The following ITFG1 variants were observed in gnomAD, a reference collection of about 807,000 sequenced individuals.
ITFG1 encodes the protein T-cell immunomodulatory protein.
Under a neutral mutation model 81.8 loss-of-function variants are expected in ITFG1, and 34 were observed. The ratio of observed to expected loss-of-function variants is 0.42; its 90% CI spans 0.32 to 0.55. The LOEUF (loss-of-function observed/expected upper bound fraction) is 0.55, where lower values mean the gene tolerates loss of function less well. Among genes scored for constraint, ITFG1 ranks in the 20% least tolerant of loss-of-function variants. ITFG1 has a pLI of 0.17. For missense variants in ITFG1, 672 were observed against 755.4 expected (o/e 0.89, Z 1.29); for synonymous variants, 285 against 270.6 (o/e 1.05, Z -0.52).
At chr16:47,381,569 T>C (rs980572342) in intron 6 of ITFG1, among the ~76,000 whole-genome samples, 17 of 152,194 alleles carry the variant, frequency 1.1e-4, no homozygotes, top group Admixed American at 8.5e-4. Flanking sequence ...GTATCATAAC[T>C]TATACTGTTT....
intron 10 of ITFG1, among the ~76,000 whole-genome samples, chr16:47,283,890 T>C (rs1406093710): frequency 6.6e-6 from 1 of 152,212 alleles, no homozygotes; most frequent in Non-Finnish European, 1.5e-5. Flanking sequence ...GGTATATCCA[T>C]GCTGTGGAAA....
chr16:47,440,115 C>CAATT (rs1969226376), intron 5 of ITFG1, among the ~76,000 whole-genome samples: 1 of 152,092 alleles, frequency 6.6e-6, no homozygotes, highest in Admixed American at 6.5e-5. Flanking sequence ...GTAAAGGGAT[C>CAATT]AATTCAACAA....
chr16:47,370,231 G>T (rs1487150423), intron 7 of ITFG1, among the ~76,000 whole-genome samples: 1 of 152,098 alleles, frequency 6.6e-6, no homozygotes, highest in Non-Finnish European at 1.5e-5. Context: ...TCAAACCAAA[G>T]AAAAACTAAA....
intron 6 of ITFG1, among the ~76,000 whole-genome samples, chr16:47,402,990 T>C (rs1451166399): frequency 6.6e-6 from 1 of 152,160 alleles, no homozygotes; most frequent in Non-Finnish European, 1.5e-5. Context: ...AAAATAACAA[T>C]ATAAATTTAC....
intron 6 of ITFG1, chr16:47,426,435 G>A (rs1031362926): frequency 2.0e-5 from 3 of 150,812 alleles, no homozygotes; most frequent in Admixed American, 6.6e-5. Flanking sequence ...AGTATAGAAT[G>A]TTCTCATCTT....
At chr16:47,337,069 C>T (rs1297951733) in intron 8 of ITFG1, among the ~76,000 whole-genome samples, 3 of 132,320 alleles carry the variant, frequency 2.3e-5, no homozygotes, top group African/African-American at 2.8e-5. Context: ...CACAGGGAGG[C>T]GGGGGTTGCA....
chr16:47,432,405 G>T (rs776338665), intron 5 of ITFG1, among the ~76,000 whole-genome samples: 5 of 152,214 alleles, frequency 3.3e-5, no homozygotes, highest in Non-Finnish European at 7.4e-5. Flanking sequence ...GGACTAATTT[G>T]TTCTTGGCAG....
intron 15 of ITFG1, 91 bp from the exon 16 acceptor site, chr16:47,161,923 T>G: frequency 1.2e-6 from 1 of 831,170 alleles, no homozygotes; most frequent in South Asian, 1.6e-5. Context: ...CTAGCTACTT[T>G]GAGAAATTCA....
intron 5 of ITFG1, among the ~76,000 whole-genome samples, chr16:47,447,528 T>C (rs554721049): frequency 6.6e-6 from 1 of 152,218 alleles, no homozygotes; most frequent in Admixed American, 6.5e-5. Context: ...TTTAAATTTT[T>C]ATTTATTTAT....
In ITFG1 at chr16:47,219,057, G is replaced by C. The variant is rs1310211698; in HGVS notation, c.1375-111C>G. Reference sequence around the variant, plus strand: ...TTCTTACACAGATGACAGTTACTTAGAGACCCCTTCCATTAACAGCACATC... The same window carrying C: ...TTCTTACACAGATGACAGTTACTTACAGACCCCTTCCATTAACAGCACATC... On this transcript the variant is annotated intron_variant, in intron 13 of 17. Transcript: ENST00000320640. 3.0e-5 allele frequency: 16 copies of C among 533,608 alleles called. No homozygotes were observed. In the South Asian group the frequency reaches 5.4e-4, roughly 18 times the overall value. The allele number at this position is 533,608 out of a possible 1,614,324, so 33.1% of individuals were successfully genotyped here. A position where few individuals can be genotyped will look rare whatever the true frequency, so the allele number is the denominator to read the frequency against.
intron 10 of ITFG1, among the ~76,000 whole-genome samples, chr16:47,309,922 A>C (rs1053384171): frequency 6.6e-6 from 1 of 152,266 alleles, no homozygotes; most frequent in African/African-American, 2.4e-5. Flanking sequence ...TATTCTTCTG[A>C]ATAGAGCCAA....
In ITFG1 at chr16:47,416,665, C is replaced by T. The variant is rs537980063; in HGVS notation, c.655+12139G>A. On this transcript the variant is annotated intron_variant, in intron 6 of 17. Transcript: ENST00000320640. ...TGTTTAAAGGAGCCTGGCATTCCCC[C>T]CTCTCTCTCTGTTCCTGTCTCACAA... Among the ~76,000 whole-genome samples the T allele has an allele frequency of 2.0e-5, 3 of 152,184 alleles. 1 individual carries two copies. The highest frequency in any genetic ancestry group is 4.8e-5 in the African/African-American group (2 of 41,518).
At chr16:47,201,070 C>A (rs1157242745) in intron 14 of ITFG1, among the ~76,000 whole-genome samples, 1 of 152,150 alleles carries the variant, frequency 6.6e-6, no homozygotes, top group African/African-American at 2.4e-5. Context: ...AATATTTGTT[C>A]TCTACAGATT....
Position 47,287,725 on chromosome 16 carries a change from T to C in ITFG1, c.1070+23515A>G, listed in dbSNP as rs141818750. On this transcript the variant is annotated intron_variant, in intron 10 of 17. Coordinates refer to ENST00000320640, the MANE Select transcript of ITFG1 (RefSeq NM_030790.5). The stretch of plus-strand genomic sequence containing the variant: ...GGTTGTCTGTTTTTGATTCTGGCCA[T>C]CCTAGTGAGTGTGAAGTGGTATCTA... Among the ~76,000 whole-genome samples the C allele has an allele frequency of 1.1e-3, 175 of 152,246 alleles. 1 individual carries two copies. Among genetic ancestry groups the C allele is most frequent in the African/African-American group, 4.1e-3 (169 of 41,544 alleles).
chr16:47,313,213 C>T (rs546552468), intron 9 of ITFG1: 8 of 152,226 alleles, frequency 5.3e-5, no homozygotes, highest in South Asian at 4.2e-4. Context: ...AAAGTCAATA[C>T]GTTATTCTAT....
intron 8 of ITFG1, among the ~76,000 whole-genome samples, chr16:47,333,624 A>C (rs186490852): frequency 6.6e-6 from 1 of 152,248 alleles, no homozygotes; most frequent in Non-Finnish European, 1.5e-5. Context: ...CATAACTTTT[A>C]TAAGTTCATG....
At chr16:47,428,195 A>T (rs1429860699) in intron 6 of ITFG1, among the ~76,000 whole-genome samples, 2 of 152,232 alleles carry the variant, frequency 1.3e-5, no homozygotes, top group Admixed American at 6.5e-5. Context: ...AGTTTTAAAT[A>T]AAAAAGTCCT....
At chr16:47,396,245 G>T in intron 6 of ITFG1, 1 of 781,870 alleles carries the variant, frequency 1.3e-6, no homozygotes, top group Non-Finnish European at 1.6e-6. Flanking sequence ...AGTAGGTACA[G>T]CTGTTAGCTG....
chr16:47,286,791 G>C (rs1280765790), intron 10 of ITFG1, among the ~76,000 whole-genome samples: 3 of 152,174 alleles, frequency 2.0e-5, no homozygotes, highest in African/African-American at 7.2e-5. Flanking sequence ...TAGGTGCTGA[G>C]CTTTGATACA....
Sources: gnomAD v4.1 joint callset for allele counts (sites outside exome capture counted in the v4.1 genomes callset) on GRCh38, gnomAD v4.1.1 for gene constraint, MANE v1.5 for transcripts, NCBI Gene and HGNC (gene_info 2026-07-23, HGNC 2026-07-21) for gene names.